The following AAK1 variants were observed in gnomAD, a reference collection of about 807,000 sequenced individuals.
AAK1 encodes AP2-associated protein kinase 1.
AAK1 carries 37 observed loss-of-function variants against 116.0 expected under a neutral mutation model. The observed-to-expected ratio is 0.32, with a 90% CI of 0.25 to 0.42. The LOEUF is 0.42. Ranked by LOEUF, AAK1 falls within the 10% of genes least tolerant of loss-of-function variation. The probability of loss-of-function intolerance (pLI) is 1.00; values close to 1 mark genes in which losing one functional copy is unlikely to be tolerated. For synonymous variants in AAK1, 458 were observed against 439.9 expected, an observed-to-expected ratio of 1.04 and a Z score of -0.51; for missense variants, 919 against 1,170.6, an observed-to-expected ratio of 0.79 and a Z score of 3.14.
chr2:69,520,717 G>T, intron 11 of AAK1, 117 bp downstream of exon 11: 3 of 1,235,962 alleles, frequency 2.4e-6, no homozygotes, highest in Non-Finnish European at 3.3e-6. Context: ...AAGGAACACT[G>T]TTATCTCTGT....
chr2:69,532,487 C>T (rs749498465), intron 5 of AAK1, among the ~76,000 whole-genome samples: 1 of 152,166 alleles, frequency 6.6e-6, no homozygotes, highest in Non-Finnish European at 1.5e-5. Context: ...TGACCTGTGC[C>T]TTTGCTCTTG....
chr2:69,622,759 A>T lies in AAK1; in HGVS notation c.163+20119T>A, dbSNP rs1674709434. ...TATCTAGCTCAAGGTTTGTAAACAC[A>T]CCAATCAGCACCCTGTGTCTAGCTC... is the stretch of plus-strand genomic sequence containing the variant. On this transcript the variant is annotated intron_variant, in intron 2 of 21. Coordinates refer to ENST00000409085, the MANE Select transcript of AAK1 (RefSeq NM_014911.5). Among the ~76,000 whole-genome samples the T allele has an allele frequency of 5.3e-5, 8 of 152,220 alleles. No individual in the cohort carries two copies. The South Asian group carries it at 1.7e-3, about 32-fold the overall frequency.
At chr2:69,580,162 C>A (rs1457019677) in intron 2 of AAK1, among the ~76,000 whole-genome samples, 1 of 152,184 alleles carries the variant, frequency 6.6e-6, no homozygotes, top group African/African-American at 2.4e-5. Flanking sequence ...TATTTCAGAT[C>A]CTCCTCATTT....
intron 2 of AAK1, among the ~76,000 whole-genome samples, chr2:69,583,586 T>C (rs961116149): frequency 1.3e-5 from 2 of 152,232 alleles, no homozygotes; most frequent in African/African-American, 4.8e-5. Flanking sequence ...GTACAAGCAG[T>C]GTGTCCACAT....
At chr2:69,553,437 G>GTTTTTTTTTTTTTTTTTTTTTTTTTTT (rs70954350) in intron 3 of AAK1, among the ~76,000 whole-genome samples, 1 of 79,598 alleles carries the variant, frequency 1.3e-5, no homozygotes, top group Non-Finnish European at 2.2e-5. Context: ...ATTGAAAGTT[G>GTTTTTTTTTTTTTTTTTTTTTTTTTTT]TTTTTTTTTT....
At chr2:69,505,722 G>T in intron 15 of AAK1, 49 bp from the exon 16 acceptor site, 1 of 1,465,382 alleles carries the variant, frequency 6.8e-7, no homozygotes, top group Non-Finnish European at 9.5e-7. Context: ...ATCTTGCGAG[G>T]CACACACACA....
intron 2 of AAK1, among the ~76,000 whole-genome samples, chr2:69,560,211 T>C (rs1216212212): frequency 6.6e-6 from 1 of 152,154 alleles, no homozygotes; most frequent in South Asian, 2.1e-4. Context: ...GTTGGCCAAA[T>C]GGAGATGTAA....
intron 2 of AAK1, among the ~76,000 whole-genome samples, chr2:69,575,122 T>C (rs907359364): frequency 1.3e-5 from 2 of 152,198 alleles, no homozygotes; most frequent in African/African-American, 2.4e-5. Flanking sequence ...CTATGTTCTA[T>C]AATGACCATA....
intron 12 of AAK1, 28 bp from the exon 13 acceptor site, chr2:69,514,777 G>C (rs1039514568): frequency 9.1e-6 from 14 of 1,535,622 alleles, no homozygotes; most frequent in Non-Finnish European, 1.2e-5. Context: ...AGATGAATAA[G>C]GGCCTGTCCC....
At position 69,468,864 on chromosome 2, in the gene AAK1, T is replaced by G. The variant is rs930890112; in HGVS notation, c.*7005A>C. 1.0e-6 allele frequency: 1 copy of G among 985,328 alleles called. No individual in the cohort carries two copies. The highest frequency in any genetic ancestry group is 1.7e-5 in the African/African-American group (1 of 57,236). The allele number at this position is 985,328 out of a possible 1,614,324, so 61.0% of individuals were successfully genotyped here. A position where few individuals can be genotyped will look rare whatever the true frequency, so the allele number is the denominator to read the frequency against. ...AATTATTTGTTAAAAAGTGGGTTTT[T>G]GGTCGAGAACCCATTTGGAAAACCT... On this transcript the variant is annotated 3_prime_UTR_variant, in exon 22 of 22. Transcript: ENST00000409085.
intron 2 of AAK1, among the ~76,000 whole-genome samples, chr2:69,617,191 C>A (rs1412662105): frequency 6.6e-6 from 1 of 152,184 alleles, no homozygotes; most frequent in African/African-American, 2.4e-5. Flanking sequence ...CACCCCCAAA[C>A]AGGGTAACAG....
chr2:69,602,378 T>G (rs757860285), intron 2 of AAK1, among the ~76,000 whole-genome samples: 3 of 152,098 alleles, frequency 2.0e-5, no homozygotes, highest in Non-Finnish European at 4.4e-5. Flanking sequence ...ATTAGTTTAG[T>G]TTGTTTTTTT....
At chr2:69,601,036 A>T in intron 2 of AAK1, among the ~76,000 whole-genome samples, 1 of 152,232 alleles carries the variant, frequency 6.6e-6, no homozygotes, top group Non-Finnish European at 1.5e-5. Flanking sequence ...TACATTTTTT[A>T]GACTTAACAC....
At chr2:69,592,361 G>A (rs563789141) in intron 2 of AAK1, among the ~76,000 whole-genome samples, 12 of 152,252 alleles carry the variant, frequency 7.9e-5, no homozygotes, top group African/African-American at 2.9e-4. Context: ...GGAGACAAGG[G>A]GTGCTGCTGG....
At chr2:69,583,983 G>A (rs1302096615) in intron 2 of AAK1, among the ~76,000 whole-genome samples, 1 of 152,170 alleles carries the variant, frequency 6.6e-6, no homozygotes, top group Non-Finnish European at 1.5e-5. Context: ...TGTTCTGATA[G>A]CCAGCTTCAC....
At chr2:69,481,385 G>A (rs1299156437) in intron 18 of AAK1, 2 of 152,906 alleles carry the variant, frequency 1.3e-5, no homozygotes, top group African/African-American at 4.8e-5. Context: ...GAGATGGGCT[G>A]AAAGGCACCT....
chr2:69,593,257 T>C (rs1673113303), intron 2 of AAK1, among the ~76,000 whole-genome samples: 2 of 152,156 alleles, frequency 1.3e-5, no homozygotes, highest in Non-Finnish European at 2.9e-5. Flanking sequence ...AACCTAAATA[T>C]TTAGCACTAG....
At chr2:69,488,305 T>C (rs1183865741) in intron 17 of AAK1, among the ~76,000 whole-genome samples, 9 of 152,030 alleles carry the variant, frequency 5.9e-5, no homozygotes, top group Admixed American at 5.9e-4. Flanking sequence ...TGCACACGTA[T>C]CCCCTAAATC....
At chr2:69,589,708 C>CAAAAAAAAA (rs762986666) in intron 2 of AAK1, among the ~76,000 whole-genome samples, 7 of 58,638 alleles carry the variant, frequency 1.2e-4, no homozygotes, top group Non-Finnish European at 2.1e-4. Flanking sequence ...AACTCTGTCT[C>CAAAAAAAAA]AAAAAAAAAA....
Sources: gnomAD v4.1 joint callset for allele counts (sites outside exome capture counted in the v4.1 genomes callset) on GRCh38, gnomAD v4.1.1 for gene constraint, MANE v1.5 for transcripts, NCBI Gene and HGNC (gene_info 2026-07-23, HGNC 2026-07-21) for gene names.